The following GRIK1 variants were observed in gnomAD, a reference collection of about 807,000 sequenced individuals.
The protein encoded by GRIK1 is glutamate ionotropic receptor kainate type subunit 1.
GRIK1 carries 69 observed loss-of-function variants against 105.7 expected under a neutral mutation model. The ratio of observed to expected loss-of-function variants is 0.65; its 90% CI spans 0.54 to 0.80. The LOEUF is 0.80. Ranked by LOEUF, GRIK1 falls within the 30% of genes least tolerant of loss-of-function variation. GRIK1 has a pLI of 0.00. For missense variants in GRIK1, 1,109 were observed against 1,167.3 expected (o/e 0.95, Z 0.73); for synonymous variants, 438 against 431.3 (o/e 1.02, Z -0.19).
At chr21:29,722,828 A>G (rs952743367) in intron 1 of GRIK1, among the ~76,000 whole-genome samples, 4 of 152,218 alleles carry the variant, frequency 2.6e-5, no homozygotes, top group African/African-American at 9.6e-5. Context: ...GGCAAAGCAA[A>G]GAGATTGAAT....
chr21:29,767,255 C>T (rs926577571), intron 1 of GRIK1, among the ~76,000 whole-genome samples: 4 of 152,092 alleles, frequency 2.6e-5, no homozygotes, highest in Non-Finnish European at 5.9e-5. Context: ...TTAAAATATC[C>T]TGTATGTCTT....
chr21:29,687,796 T>C (rs363541), intron 3 of GRIK1, among the ~76,000 whole-genome samples: 6,733 of 152,342 alleles, frequency 0.044, 216 homozygotes, highest in Non-Finnish European at 0.068. Context: ...TTTGTCTAAA[T>C]ACAATTTGAA....
chr21:29,564,407 A>T (rs1269687514), intron 14 of GRIK1, among the ~76,000 whole-genome samples: 1 of 152,186 alleles, frequency 6.6e-6, no homozygotes, highest in African/African-American at 2.4e-5. Context: ...TCGGCCTCCC[A>T]AAGTGCTGGG....
chr21:29,568,088 C>A (rs1228541239), intron 14 of GRIK1, among the ~76,000 whole-genome samples: 4 of 152,150 alleles, frequency 2.6e-5, no homozygotes, highest in Non-Finnish European at 5.9e-5. Flanking sequence ...ATGTTTTTCT[C>A]CTGTCTAGAG....
intron 11 of GRIK1, 73 bp from the exon 12 acceptor site, chr21:29,587,662 C>G: frequency 1.3e-6 from 1 of 783,990 alleles, no homozygotes. Context: ...CCTGGGTACT[C>G]CTGATTCTTA....
At chr21:29,608,545 A>G (rs1294469390) in intron 7 of GRIK1, among the ~76,000 whole-genome samples, 1 of 152,140 alleles carries the variant, frequency 6.6e-6, no homozygotes, top group Non-Finnish European at 1.5e-5. Context: ...ATGTAACACT[A>G]TAGTTTTATT....
chr21:29,571,068 T>C (rs2090735217), intron 14 of GRIK1, among the ~76,000 whole-genome samples: 1 of 152,130 alleles, frequency 6.6e-6, no homozygotes, highest in Non-Finnish European at 1.5e-5. Context: ...TTAAAAAATT[T>C]CCACTGGGCG....
chr21:29,812,977 T>C (rs985170344), intron 1 of GRIK1, among the ~76,000 whole-genome samples: 1 of 152,154 alleles, frequency 6.6e-6, no homozygotes, highest in African/African-American at 2.4e-5. Context: ...GATAAGATAT[T>C]CTGGGTACAG....
intron 1 of GRIK1, among the ~76,000 whole-genome samples, chr21:29,882,813 C>A (rs572111050): frequency 1.3e-5 from 2 of 152,190 alleles, no homozygotes; most frequent in African/African-American, 4.8e-5. Flanking sequence ...TCCTTTAAGT[C>A]TTAACTGAAC....
At chr21:29,589,207 C>T (rs2061294207) in intron 10 of GRIK1, among the ~76,000 whole-genome samples, 165 bp from the exon 11 acceptor site, 1 of 152,128 alleles carries the variant, frequency 6.6e-6, no homozygotes, top group African/African-American at 2.4e-5. Flanking sequence ...ATACAAAACA[C>T]TTCCTATATT....
At chr21:29,899,229 T>A (rs457060) in intron 1 of GRIK1, among the ~76,000 whole-genome samples, 33,668 of 152,172 alleles carry the variant, frequency 0.22, 4,253 homozygotes, top group African/African-American at 0.34. Context: ...TCTGAGGTCA[T>A]TCAGGGCTTT....
At chr21:29,571,315 C>T (rs1453203713) in intron 14 of GRIK1, among the ~76,000 whole-genome samples, 1 of 151,596 alleles carries the variant, frequency 6.6e-6, no homozygotes, top group Non-Finnish European at 1.5e-5. Context: ...CAAGATCACG[C>T]CATTGTACTA....
At chr21:29,710,291 AT>A (rs2064012671) in intron 1 of GRIK1, among the ~76,000 whole-genome samples, 1 of 151,906 alleles carries the variant, frequency 6.6e-6, no homozygotes, top group Admixed American at 6.6e-5. Flanking sequence ...TTTATGTAGC[AT>A]TTTGCACTTA....
intron 15 of GRIK1, among the ~76,000 whole-genome samples, chr21:29,560,512 C>CTTTCTTTCTTTCTTTCT (rs764773635): frequency 6.8e-5 from 2 of 29,468 alleles, no homozygotes; most frequent in Non-Finnish European, 1.2e-4. Context: ...TCCTTCCTTC[C>CTTTCTTTCTTTCTTTCT]TTCCTTCCTT....
intron 1 of GRIK1, among the ~76,000 whole-genome samples, chr21:29,875,039 T>C (rs1465699334): frequency 1.3e-5 from 2 of 151,722 alleles, no homozygotes; most frequent in Non-Finnish European, 2.9e-5. Flanking sequence ...TATGCGTGTG[T>C]ATGCAAACAT....
chr21:29,757,930 A>G (rs2065393365), intron 1 of GRIK1, among the ~76,000 whole-genome samples: 2 of 152,220 alleles, frequency 1.3e-5, no homozygotes, highest in African/African-American at 4.8e-5. Context: ...CTTGAAATAG[A>G]TTGCATTAGA....
chr21:29,589,345 C>T (rs1015928318), intron 10 of GRIK1, among the ~76,000 whole-genome samples: 1 of 151,516 alleles, frequency 6.6e-6, no homozygotes, highest in African/African-American at 2.4e-5. Context: ...AGAAGGAAGG[C>T]GCAAAGGGAA....
intron 1 of GRIK1, among the ~76,000 whole-genome samples, chr21:29,856,345 C>T (rs1338602344): frequency 6.6e-6 from 1 of 152,008 alleles, no homozygotes; most frequent in East Asian, 1.9e-4. Context: ...ATGAAGTAGC[C>T]AATTATGTTG....
intron 16 of GRIK1, among the ~76,000 whole-genome samples, chr21:29,549,342 T>C (rs920136523): frequency 1.3e-5 from 2 of 152,168 alleles, no homozygotes; most frequent in African/African-American, 4.8e-5. Context: ...GTTAGGATTG[T>C]TGGGGAAAAA....
Sources: allele counts gnomAD v4.1 joint callset (sites outside exome capture counted in the v4.1 genomes callset), GRCh38; gene constraint gnomAD v4.1.1; transcripts MANE v1.5; gene names NCBI Gene and HGNC (gene_info 2026-07-23, HGNC 2026-07-21).